PRSS36: variants seen among roughly 807,000 people sequenced by gnomAD.
The protein encoded by PRSS36 is serine protease 36.
A neutral mutation model predicts 94.3 loss-of-function variants in PRSS36; 90 were observed. The ratio of observed to expected loss-of-function variants is 0.95; its 90% confidence interval spans 0.80 to 1.14. The LOEUF is 1.14. Ranked by LOEUF, PRSS36 falls within the 50% of genes most tolerant of loss-of-function variation. The probability of loss-of-function intolerance (pLI) is 0.00; values close to 1 mark genes in which losing one functional copy is unlikely to be tolerated. For missense variants in PRSS36, 1,158 were observed against 1,135.0 expected, an observed-to-expected ratio of 1.02 and a Z score of -0.29; for synonymous variants, 500 against 489.6, an observed-to-expected ratio of 1.02 and a Z score of -0.28.
intron 5 of PRSS36, 109 bp downstream of exon 5, chr16:31,148,286 C>T (rs2057826966): frequency 8.1e-7 from 1 of 1,238,240 alleles, no homozygotes; most frequent in East Asian, 2.7e-5. Context: ...TCCAACGCTC[C>T]CCGCAGGCTC....
At position 31,139,041 on chromosome 16, in the gene PRSS36, G is replaced by C; in HGVS notation, c.*97C>G. On this transcript the variant is annotated 3_prime_UTR_variant, in exon 15 of 15. Transcript: ENST00000268281. ...GAGCCGCTGCAATCTCGGTGGGTGG[G>C]GCCCTTGAGGTTCCAGCCGGCTGGG... The C allele has an allele frequency of 2.9e-5, 39 of 1,353,478 alleles. No homozygotes were observed. Among genetic ancestry groups the C allele is most frequent in the Admixed American group, 9.8e-5 (4 of 40,984 alleles). 83.8% of individuals were successfully genotyped at this position (1,353,478 alleles called of 1,614,324 possible). A position where few individuals can be genotyped will look rare whatever the true frequency, so the allele number is the denominator to read the frequency against.
rs770849186 is a variant in PRSS36 at position 31,140,500 on chromosome 16, TG to T, written c.2158del (p.Gln720ArgfsTer13). The T allele has an allele frequency of 3.2e-6, 5 of 1,581,204 alleles. No individual in the cohort carries two copies. The East Asian group carries it at 9.0e-5, about 28-fold the overall frequency. Reference sequence around the variant, plus strand: ...TGACCCAGGGGTCTCACCTCGGTCCTGGGGTTCTTTCCAGCCCAACACCCAG... The same window carrying T: ...TGACCCAGGGGTCTCACCTCGGTCCTGGGTTCTTTCCAGCCCAACACCCAG... ...SCWVLGWKEP[Q>X]DRVPVAAAVS... On this transcript the variant is annotated frameshift_variant, in exon 13 of 15. Coordinates refer to ENST00000268281, the MANE Select transcript of PRSS36 (RefSeq NM_173502.5). LOFTEE classifies it high-confidence loss of function.
chr16:31,140,582 G>C lies in PRSS36; in HGVS notation c.2077C>G (p.Pro693Ala). 6.2e-7 allele frequency: 1 copy of C among 1,604,226 alleles called. No homozygotes were observed. Among genetic ancestry groups the C allele is most frequent in the Non-Finnish European group, 8.5e-7 (1 of 1,175,086 alleles). Residue 693 changes from proline to alanine, a missense_variant, in exon 13 of 15, where the codon CCA becomes GCA. Pro to Ala is a conservative substitution (Grantham distance 27). Transcript: ENST00000268281. ...LELSSRVEPS[P>A]SALPICLHPA... Reference sequence around the variant, plus strand: ...TGGAGACAGATGGGCAGGGCTGATGGGGAGGGCTCCACCCGGGAGCTCAGC... The same window carrying C: ...TGGAGACAGATGGGCAGGGCTGATGCGGAGGGCTCCACCCGGGAGCTCAGC...
At chr16:31,141,363 T>G in intron 12 of PRSS36, 106 bp downstream of exon 12, 2 of 1,409,030 alleles carry the variant, frequency 1.4e-6, no homozygotes, top group Non-Finnish European at 1.9e-6. Context: ...AAGATCTCAT[T>G]GTTAATTTTT....
chr16:31,149,768 C>G, intron 1 of PRSS36, 37 bp from the exon 2 acceptor site: 4 of 1,614,020 alleles, frequency 2.5e-6, no homozygotes, highest in Non-Finnish European at 3.4e-6. Context: ...AGGCTGGCGA[C>G]TCGCACTCAG....
In PRSS36 at chr16:31,142,583, G is replaced by A. The variant is rs1450508512; in HGVS notation, c.1419C>T (p.His473=). The A allele has an allele frequency of 6.6e-7, 1 of 1,523,728 alleles. No homozygotes were observed. Among genetic ancestry groups the A allele is most frequent in the Non-Finnish European group, 8.8e-7 (1 of 1,139,930 alleles). The allele number at this position is 1,523,728 out of a possible 1,614,324, so 94.4% of individuals were successfully genotyped here. The change falls in exon 10 of 15, where the codon CAC becomes CAT. Residue 473 remains histidine, a synonymous_variant. Coordinates refer to ENST00000268281, the MANE Select transcript of PRSS36 (RefSeq NM_173502.5). ...CCGCCCCCTGGCGGCCGTACAGGCA[G>A]TGGCACCACCAGCCGCCTAACAGCT... is the stretch of plus-strand genomic sequence containing the variant. The part of the protein sequence containing the change: ...EAELLGGWWC[H]CLYGRQGAAV...
chr16:31,142,947 C>A lies in PRSS36; in HGVS notation c.1147G>T (p.Val383Leu). ...GCGCGCGGGCGCGAGGGCAGCAGCACGCGCCAGGCGTCGAGGTCGCGGGGT... is the reference window on the plus strand; with the variant it reads ...GCGCGCGGGCGCGAGGGCAGCAGCAAGCGCCAGGCGTCGAGGTCGCGGGGT... ...SPPRDLDAWR[V>L]LLPSRPRAER... The change falls in exon 9 of 15, where the codon GTG (valine) becomes TTG (leucine). Residue 383 changes from valine (V) to leucine (L), a missense_variant. By Grantham distance (32) the Val-to-Leu change is conservative. Transcript: ENST00000268281. The A allele has an allele frequency of 2.1e-6, 3 of 1,460,040 alleles. No homozygotes were observed. Among genetic ancestry groups the A allele is most frequent in the African/African-American group, 1.5e-5 (1 of 67,940 alleles). The allele number at this position is 1,460,040 out of a possible 1,614,324, so 90.4% of individuals were successfully genotyped here.
At chr16:31,149,803 C>T (rs925055388) in intron 1 of PRSS36, 72 bp from the exon 2 acceptor site, 80 of 1,606,136 alleles carry the variant, frequency 5.0e-5, no homozygotes, top group Admixed American at 1.8e-4. Flanking sequence ...GACTCCCTCC[C>T]CCAGCCTCCT....
intron 6 of PRSS36, 73 bp downstream of exon 6, chr16:31,145,716 G>T: frequency 6.9e-7 from 1 of 1,439,800 alleles, no homozygotes. Flanking sequence ...GAGGCTTGGA[G>T]AGATGTCCTT....
At chr16:31,139,517 C>T in intron 14 of PRSS36, 101 bp from the exon 15 acceptor site, 3 of 1,377,088 alleles carry the variant, frequency 2.2e-6, no homozygotes, top group Non-Finnish European at 3.0e-6. Context: ...GTCTGCATCC[C>T]TAGACATCCA....
At position 31,139,379 on chromosome 16, in the gene PRSS36, T is replaced by A. The variant is rs778045590; in HGVS notation, c.2327A>T (p.Glu776Val). Residue 776 changes from glutamate (E) to valine (V), a missense_variant, in exon 15 of 15, where the codon GAA becomes GTA. Transcript: ENST00000268281. ...SAPPLLCQMTEGSWILVGMAV... is the reference protein window; with the variant it reads ...SAPPLLCQMTVGSWILVGMAV... ...CATGCCCACGAGGATCCAGGACCCT[T>A]CCGTCATCTGGCACAGGAGGGGCGG... The A allele has an allele frequency of 6.2e-7, 1 of 1,613,950 alleles. No homozygotes were observed. Among genetic ancestry groups the A allele is most frequent in the African/African-American group, 1.3e-5 (1 of 74,900 alleles).
intron 13 of PRSS36, 29 bp downstream of exon 13, chr16:31,140,463 T>A: frequency 6.2e-7 from 1 of 1,600,590 alleles, no homozygotes; most frequent in Non-Finnish European, 8.5e-7. Context: ...CTCCAGCTAC[T>A]CCTCGTTCCC....
Position 31,142,598 on chromosome 16 carries a change from GC to G in PRSS36, c.1403del (p.Gly468AlafsTer86). On this transcript the variant is annotated frameshift_variant, in exon 10 of 15. Transcript: ENST00000268281. LOFTEE classifies it high-confidence loss of function. Reference sequence around the variant, plus strand: ...CGTACAGGCAGTGGCACCACCAGCCGCCTAACAGCTCCGCCTCCAGCAGCGC... The same window carrying G: ...CGTACAGGCAGTGGCACCACCAGCCGCTAACAGCTCCGCCTCCAGCAGCGC... ...PGALLEAELL[G>X]GWWCHCLYGR... 1 of 1,518,186 alleles carries G rather than the reference GC, an allele frequency of 6.6e-7. No homozygotes were observed. Among genetic ancestry groups the G allele is most frequent in the East Asian group, 2.5e-5 (1 of 39,648 alleles). 94.0% of individuals were successfully genotyped at this position (1,518,186 alleles called of 1,614,324 possible).
intron 6 of PRSS36, among the ~76,000 whole-genome samples, chr16:31,145,520 C>T (rs2057785778): frequency 6.6e-6 from 1 of 151,662 alleles, no homozygotes; most frequent in African/African-American, 2.4e-5. Context: ...ATCTCAGCTA[C>T]TTGGGGGGCT....
chr16:31,142,464 C>A lies in PRSS36; in HGVS notation c.1521+17G>T. The A allele has an allele frequency of 6.9e-7, 1 of 1,441,784 alleles. No individual in the cohort carries two copies. Among genetic ancestry groups the A allele is most frequent in the South Asian group, 1.4e-5 (1 of 72,994 alleles). 89.3% of individuals were successfully genotyped at this position (1,441,784 alleles called of 1,614,324 possible). On this transcript the variant is annotated intron_variant, in intron 10 of 14. Coordinates refer to ENST00000268281, the MANE Select transcript of PRSS36 (RefSeq NM_173502.5). ...CTCTCGGGCCCGCGTTCCGCGGGCC[C>A]CGCCCCCGCCGCTTACCCAGCAGCT...
In PRSS36 at chr16:31,143,794, C is replaced by T; in HGVS notation, c.764G>A (p.Trp255Ter). The T allele has an allele frequency of 6.2e-7, 1 of 1,614,000 alleles. No individual in the cohort carries two copies. The highest frequency in any genetic ancestry group is 1.7e-5 in the Admixed American group (1 of 60,028). ...AAAGCTGGTGATTCCTGCCTGGAAC[C>T]AGCGGCCGCCTTCCTCACAGACCAG... ...GPLVCEEGGR[W>*]FQAGITSFGF... The change falls in exon 7 of 15, where the codon TGG becomes TAG. Residue 255 changes from tryptophan to a stop codon, truncating the protein, a stop_gained. Transcript: ENST00000268281. LOFTEE classifies it high-confidence loss of function.
chr16:31,149,711 C>T lies in PRSS36; in HGVS notation c.58G>A (p.Ala20Thr). Reference protein sequence around the residue: ...VMLVISPIPGAFQDSALSPTQ... With the variant: ...VMLVISPIPGTFQDSALSPTQ... ...GCTACCTTACCTGAGTCCTGGAAGG[C>T]TCCTGGGATGGGACTGATGACTGGA... The change falls in exon 2 of 15, where the codon GCC becomes ACC. Residue 20 changes from alanine to threonine, a missense_variant. Physicochemically the swap from Ala to Thr is moderately conservative, Grantham distance 58. Coordinates refer to ENST00000268281, the MANE Select transcript of PRSS36 (RefSeq NM_173502.5). The T allele has an allele frequency of 1.2e-6, 2 of 1,614,208 alleles. No homozygotes were observed. Among genetic ancestry groups the T allele is most frequent in the Non-Finnish European group, 1.7e-6 (2 of 1,180,038 alleles).
chr16:31,143,547 C>T (rs2057750443), intron 7 of PRSS36, 41 bp downstream of exon 7: 1 of 1,610,200 alleles, frequency 6.2e-7, no homozygotes, highest in Admixed American at 1.7e-5. Context: ...CCAACTCACT[C>T]TCCCATGTCC....
chr16:31,149,949 A>G, intron 1 of PRSS36, 50 bp downstream of exon 1: 6 of 1,603,550 alleles, frequency 3.7e-6, no homozygotes, highest in Non-Finnish European at 5.1e-6. Flanking sequence ...CCAGCCCCCC[A>G]GATGCCAGGA....
Sources: allele counts gnomAD v4.1 joint callset (sites outside exome capture counted in the v4.1 genomes callset), GRCh38; gene constraint gnomAD v4.1.1; transcripts MANE v1.5; gene names NCBI Gene and HGNC (gene_info 2026-07-23, HGNC 2026-07-21).